Variants in TMEM132D observed in about 807,000 individuals in gnomAD.
TMEM132D encodes the protein mature OL transmembrane protein.
TMEM132D carries 21 observed loss-of-function variants against 62.3 expected under a neutral mutation model. The observed-to-expected ratio is 0.34, with a 90% CI of 0.24 to 0.49. TMEM132D has a LOEUF of 0.49. Ranked by LOEUF, TMEM132D falls within the 20% of genes least tolerant of loss-of-function variation. TMEM132D has a pLI of 0.99. For synonymous variants in TMEM132D, 621 were observed against 575.6 expected (o/e 1.08, Z -1.13); for missense variants, 1,346 against 1,402.8 (o/e 0.96, Z 0.65).
At chr12:129,754,323 C>T (rs1870095987) in intron 1 of TMEM132D, among the ~76,000 whole-genome samples, 1 of 152,132 alleles carries the variant, frequency 6.6e-6, no homozygotes, top group Middle Eastern at 3.2e-3. Context: ...ATCAGAGTTC[C>T]CCCAGTCCAG....
At chr12:129,732,796 A>G (rs977009527) in intron 1 of TMEM132D, among the ~76,000 whole-genome samples, 8 of 152,224 alleles carry the variant, frequency 5.3e-5, no homozygotes, top group African/African-American at 1.9e-4. Context: ...GACCTTGATT[A>G]CAGCATGGGA....
chr12:129,515,158 A>C (rs1482833542), intron 3 of TMEM132D, among the ~76,000 whole-genome samples: 2 of 152,040 alleles, frequency 1.3e-5, no homozygotes, highest in African/African-American at 4.8e-5. Flanking sequence ...CTTATTTCTT[A>C]ATCTAGATGC....
At chr12:129,132,656 A>C (rs1195148067) in intron 5 of TMEM132D, among the ~76,000 whole-genome samples, 1 of 152,198 alleles carries the variant, frequency 6.6e-6, no homozygotes, top group Non-Finnish European at 1.5e-5. Flanking sequence ...TTCAACTTAT[A>C]ACTGTGAGCT....
intron 5 of TMEM132D, among the ~76,000 whole-genome samples, chr12:129,099,445 G>T (rs1345467735): frequency 6.6e-6 from 1 of 152,160 alleles, no homozygotes; most frequent in Non-Finnish European, 1.5e-5. Flanking sequence ...GCTTTCTGGT[G>T]CCAGGTCACA....
chr12:129,695,290 T>G (rs149019793), intron 2 of TMEM132D, among the ~76,000 whole-genome samples: 1,959 of 152,338 alleles, frequency 0.013, 29 homozygotes, highest in Non-Finnish European at 0.021. Flanking sequence ...CTTTAGCTAA[T>G]AATCATGTGT....
intron 1 of TMEM132D, among the ~76,000 whole-genome samples, chr12:129,854,074 A>C (rs1459246519): frequency 5.9e-5 from 9 of 152,160 alleles, no homozygotes. Flanking sequence ...ACTAATGCCC[A>C]TGGCAGTCCT....
rs184249969 is a variant in TMEM132D at position 129,322,534 on chromosome 12, G to A, written c.1299+15100C>T. On this transcript the variant is annotated intron_variant, in intron 4 of 8. Transcript: ENST00000422113. ...TCCGTTTATTTTGTAGAGCTGAATC[G>A]TTTCTCGGTGGTTGAATTGCATGTT... is the stretch of plus-strand genomic sequence containing the variant. Among the ~76,000 whole-genome samples the A allele has an allele frequency of 7.9e-5, 12 of 152,178 alleles. No individual in the cohort carries two copies. In the East Asian group the frequency reaches 1.7e-3, roughly 22 times the overall value.
At chr12:129,707,301 A>G (rs1271001912) in intron 1 of TMEM132D, among the ~76,000 whole-genome samples, 1 of 149,798 alleles carries the variant, frequency 6.7e-6, no homozygotes, top group Non-Finnish European at 1.5e-5. Context: ...AAATGAACAA[A>G]TCATACATTT....
intron 3 of TMEM132D, among the ~76,000 whole-genome samples, chr12:129,425,258 A>G (rs1269951994): frequency 4.6e-5 from 7 of 152,312 alleles, no homozygotes; most frequent in African/African-American, 1.7e-4. Flanking sequence ...TCTGTTGTGC[A>G]GATATCTAGC....
At position 129,432,350 on chromosome 12, in the gene TMEM132D, AATGGATGGATGG is replaced by A. The variant is rs1386958069; in HGVS notation, c.1116-94545_1116-94534del. Among the ~76,000 whole-genome samples, 108 of 141,312 alleles carry A rather than the reference AATGGATGGATGG, an allele frequency of 7.6e-4. 1 individual carries two copies. In the Middle Eastern group the frequency reaches 0.019, roughly 24 times the overall value. 92.7% of individuals were successfully genotyped at this position (141,312 alleles called of 152,430 possible). ...GGATGGATGGATGGATGGATGGATG[AATGGATGGATGG>A]GTGGATGGATTTTATTTCCATTTAC... On this transcript the variant is annotated intron_variant, in intron 3 of 8. Transcript: ENST00000422113.
At chr12:129,596,403 T>C (rs1167954373) in intron 2 of TMEM132D, among the ~76,000 whole-genome samples, 1 of 152,146 alleles carries the variant, frequency 6.6e-6, no homozygotes, top group African/African-American at 2.4e-5. Flanking sequence ...TATACATGTA[T>C]ACTCGTATAT....
At chr12:129,082,865 G>A (rs1210978197) in intron 6 of TMEM132D, among the ~76,000 whole-genome samples, 1 of 152,084 alleles carries the variant, frequency 6.6e-6, no homozygotes, top group East Asian at 1.9e-4. Context: ...GAATAGCTTG[G>A]ACTACTGTGC....
At chr12:129,193,780 T>A (rs1307062498) in intron 5 of TMEM132D, among the ~76,000 whole-genome samples, 1 of 152,190 alleles carries the variant, frequency 6.6e-6, no homozygotes, top group South Asian at 2.1e-4. Flanking sequence ...AATATAGAAA[T>A]GAGTAAGACA....
chr12:129,636,912 C>T (rs1436389929), intron 2 of TMEM132D, among the ~76,000 whole-genome samples: 1 of 151,936 alleles, frequency 6.6e-6, no homozygotes, highest in Non-Finnish European at 1.5e-5. Flanking sequence ...ACACTGGCAA[C>T]CTGAATTTGT....
chr12:129,802,188 C>T (rs1486742397), intron 1 of TMEM132D, among the ~76,000 whole-genome samples: 31 of 151,276 alleles, frequency 2.0e-4, no homozygotes, highest in African/African-American at 5.6e-4. Flanking sequence ...ATACAGAGAA[C>T]GCCACAAAGA....
intron 1 of TMEM132D, among the ~76,000 whole-genome samples, chr12:129,782,596 G>C (rs1871149990): frequency 1.3e-5 from 2 of 152,202 alleles, no homozygotes; most frequent in South Asian, 4.1e-4. Flanking sequence ...AAAGGGGAAG[G>C]GAAAAGGAAG....
intron 4 of TMEM132D, among the ~76,000 whole-genome samples, chr12:129,316,382 C>T: frequency 6.6e-6 from 1 of 152,004 alleles, no homozygotes; most frequent in Non-Finnish European, 1.5e-5. Flanking sequence ...TTTAAATTTC[C>T]ATCTTGATTT....
At chr12:129,104,041 C>T (rs1875404279) in intron 5 of TMEM132D, among the ~76,000 whole-genome samples, 1 of 151,634 alleles carries the variant, frequency 6.6e-6, no homozygotes. Context: ...GAAAAAACTA[C>T]TTTAAAGTTC....
intron 3 of TMEM132D, among the ~76,000 whole-genome samples, chr12:129,372,838 G>A (rs1042571056): frequency 1.3e-5 from 2 of 152,020 alleles, no homozygotes; most frequent in Non-Finnish European, 2.9e-5. Flanking sequence ...TACAATGTAA[G>A]AATAATAAAA....
Sources: allele counts gnomAD v4.1 joint callset (sites outside exome capture counted in the v4.1 genomes callset), GRCh38; gene constraint gnomAD v4.1.1; transcripts MANE v1.5; gene names NCBI Gene and HGNC (gene_info 2026-07-23, HGNC 2026-07-21).